Variants in KYNU observed in about 807,000 individuals in gnomAD.
KYNU encodes kynureninase, also known as L-kynurenine hydrolase.
A neutral mutation model predicts 59.2 loss-of-function variants in KYNU; 54 were observed. The observed-to-expected ratio is 0.91, with a 90% CI of 0.73 to 1.14. The LOEUF is 1.14. KYNU is among the 50% of genes most tolerant of loss of function. The pLI, the probability that KYNU is intolerant of heterozygous loss-of-function variation, is 0.00. For synonymous variants in KYNU, 177 were observed against 192.0 expected (o/e 0.92, Z 0.65); for missense variants, 567 against 554.4 (o/e 1.02, Z -0.23).
At chr2:142,981,713 T>C (rs561473887) in intron 8 of KYNU, among the ~76,000 whole-genome samples, 2 of 152,250 alleles carry the variant, frequency 1.3e-5, no homozygotes, top group South Asian at 4.1e-4. Context: ...AGTTATATTG[T>C]GCTGATATAT....
chr2:142,980,288 G>T (rs371263933), intron 8 of KYNU, among the ~76,000 whole-genome samples: 3 of 148,526 alleles, frequency 2.0e-5, no homozygotes, highest in Non-Finnish European at 4.5e-5. Context: ...ATGACCAGAG[G>T]TCACTCTTGT....
At chr2:142,989,282 A>C (rs1281805735) in intron 10 of KYNU, 3 of 660,708 alleles carry the variant, frequency 4.5e-6, no homozygotes, top group South Asian at 4.6e-5. Context: ...GCATTCCACG[A>C]TTAGCTGGTT....
intron 3 of KYNU, among the ~76,000 whole-genome samples, chr2:142,920,217 T>A (rs1018637269): frequency 6.6e-6 from 1 of 152,324 alleles, no homozygotes; most frequent in East Asian, 1.9e-4. Context: ...ATTAATCATG[T>A]TATAACTTTA....
intron 3 of KYNU, among the ~76,000 whole-genome samples, chr2:142,921,048 A>G (rs757284925): frequency 9.2e-5 from 14 of 152,206 alleles, no homozygotes; most frequent in Non-Finnish European, 1.6e-4. Context: ...CCTGCCAATT[A>G]ATTGACAACA....
chr2:142,901,594 GT>G (rs1682090391), intron 2 of KYNU, among the ~76,000 whole-genome samples: 1 of 152,156 alleles, frequency 6.6e-6, no homozygotes, highest in Non-Finnish European at 1.5e-5. Flanking sequence ...TTTGATAGGT[GT>G]TCCCTCAGAA....
chr2:142,988,231 A>G (rs7607734), intron 10 of KYNU, among the ~76,000 whole-genome samples: 17,377 of 151,938 alleles, frequency 0.11, 1,081 homozygotes, highest in East Asian at 0.26. Flanking sequence ...TTGTTTGGTA[A>G]TTATTTAGTA....
chr2:142,972,503 G>A (rs1477627591), intron 8 of KYNU, among the ~76,000 whole-genome samples: 1 of 152,080 alleles, frequency 6.6e-6, no homozygotes, highest in Non-Finnish European at 1.5e-5. Flanking sequence ...GTAAAAATGT[G>A]AATGATAATA....
chr2:142,985,108 G>GC lies in KYNU; in HGVS notation c.755dup (p.His253ThrfsTer7). ...GGGTTGTTATGTTGGCTTTGATCTA[G>GC]CACATGCAGTTGGAAATGTTGAACT... On this transcript the variant is annotated frameshift_variant, in exon 9 of 14. Coordinates refer to ENST00000264170, the MANE Select transcript of KYNU (RefSeq NM_003937.3). LOFTEE classifies it high-confidence loss of function. 6.2e-7 allele frequency: 1 copy of GC among 1,610,138 alleles called. No individual in the cohort carries two copies. Among genetic ancestry groups the GC allele is most frequent in the Non-Finnish European group, 8.5e-7 (1 of 1,176,862 alleles).
At chr2:142,912,569 G>C (rs1018567361) in intron 2 of KYNU, among the ~76,000 whole-genome samples, 5 of 151,036 alleles carry the variant, frequency 3.3e-5, no homozygotes, top group Admixed American at 2.6e-4. Context: ...AGTAGAGATG[G>C]AGTTTCTCCA....
intron 2 of KYNU, among the ~76,000 whole-genome samples, chr2:142,889,443 A>G (rs1412746004): frequency 6.6e-6 from 1 of 152,118 alleles, no homozygotes; most frequent in Non-Finnish European, 1.5e-5. Context: ...TCAGTGCGTG[A>G]GCTTTCTAGG....
rs191359593 is a variant in KYNU at position 142,985,191 on chromosome 2, G to A, written c.828+9G>A. On this transcript the variant is annotated intron_variant, in intron 9 of 13. Coordinates refer to ENST00000264170, the MANE Select transcript of KYNU (RefSeq NM_003937.3). ...GCTGGTGTTCCTACAAGGTACAAACGAGTTAATACATTTACATCCCTTTAT... is the reference window on the plus strand; with the variant it reads ...GCTGGTGTTCCTACAAGGTACAAACAAGTTAATACATTTACATCCCTTTAT... 2,823 of 1,505,162 alleles carry A rather than the reference G, an allele frequency of 1.9e-3. 12 individuals are homozygous for A. Among genetic ancestry groups the A allele is most frequent in the Middle Eastern group, 2.2e-3 (13 of 5,874 alleles). The allele number at this position is 1,505,162 out of a possible 1,614,324, so 93.2% of individuals were successfully genotyped here.
chr2:142,901,615 T>A (rs1016212727), intron 2 of KYNU, among the ~76,000 whole-genome samples: 4 of 152,182 alleles, frequency 2.6e-5, no homozygotes, highest in African/African-American at 7.2e-5. Flanking sequence ...AGTTAGGAAT[T>A]CCCTTTTTTT....
intron 10 of KYNU, among the ~76,000 whole-genome samples, chr2:143,004,045 ATTACT>A (rs1259454450): frequency 6.6e-6 from 1 of 152,246 alleles, no homozygotes; most frequent in Non-Finnish European, 1.5e-5. Context: ...CAGAAGACAG[ATTACT>A]TAATATGCCT....
intron 8 of KYNU, among the ~76,000 whole-genome samples, chr2:142,971,549 A>G (rs1458607546): frequency 6.6e-6 from 1 of 152,162 alleles, no homozygotes; most frequent in African/African-American, 2.4e-5. Flanking sequence ...CACCGTTTGC[A>G]CTGTCTTATA....
At chr2:142,969,056 T>C (rs1314408700) in intron 8 of KYNU, among the ~76,000 whole-genome samples, 1 of 152,144 alleles carries the variant, frequency 6.6e-6, no homozygotes, top group Non-Finnish European at 1.5e-5. Context: ...ATTCCCTCAG[T>C]GACAATAAAA....
chr2:143,001,281 C>T (rs770904896), intron 10 of KYNU, among the ~76,000 whole-genome samples: 5 of 152,116 alleles, frequency 3.3e-5, no homozygotes, highest in Non-Finnish European at 5.9e-5. Context: ...TCCTCACACC[C>T]AATAGACTTT....
rs1372805256 is a variant in KYNU, at chr2:142,960,720, A to G, written c.679A>G (p.Thr227Ala). The G allele has an allele frequency of 2.5e-6, 4 of 1,613,908 alleles. No homozygotes were observed. Among genetic ancestry groups the G allele is most frequent in the Non-Finnish European group, 3.4e-6 (4 of 1,179,964 alleles). Reference sequence around the variant, plus strand: ...CCTGTTCAGTGGGGTGCATTTTTACACTGGACAGCACTTTAATATTCCTGC... The same window carrying G: ...CCTGTTCAGTGGGGTGCATTTTTACGCTGGACAGCACTTTAATATTCCTGC... Reference protein sequence around the residue: ...VILFSGVHFYTGQHFNIPAIT... With the variant: ...VILFSGVHFYAGQHFNIPAIT... The change falls in exon 8 of 14, where the codon ACT (threonine) becomes GCT (alanine). Residue 227 changes from threonine (T) to alanine (A), a missense_variant. Transcript: ENST00000264170.
At chr2:142,979,323 T>G (rs954635369) in intron 8 of KYNU, among the ~76,000 whole-genome samples, 1 of 152,208 alleles carries the variant, frequency 6.6e-6, no homozygotes, top group African/African-American at 2.4e-5. Context: ...CTTTAGAGAA[T>G]AGCTATTGAC....
rs1222437103 is a variant in KYNU, at chr2:142,881,909, C to CTTTTT, written c.-19-3438_-19-3434dup. Among the ~76,000 whole-genome samples, 751 of 124,420 alleles carry CTTTTT rather than the reference C, an allele frequency of 6.0e-3. 13 individuals are homozygous for CTTTTT. The highest frequency in any genetic ancestry group is 0.018 in the East Asian group (77 of 4,182). The allele number at this position is 124,420 out of a possible 152,430, so 81.6% of individuals were successfully genotyped here. On this transcript the variant is annotated intron_variant, in intron 1 of 13. Transcript: ENST00000264170. The stretch of plus-strand genomic sequence containing the variant: ...TGCCAGCACACCTGGCTTTTCTTTT[C>CTTTTT]TTTTTTCTTTTTTTTTTTTTTTTTT...
Sources: gnomAD v4.1 joint callset for allele counts (sites outside exome capture counted in the v4.1 genomes callset) on GRCh38, gnomAD v4.1.1 for gene constraint, MANE v1.5 for transcripts, NCBI Gene and HGNC (gene_info 2026-07-23, HGNC 2026-07-21) for gene names.